The following DNAJC6 variants were observed in gnomAD, a reference collection of about 807,000 sequenced individuals.
DNAJC6 encodes the protein auxilin.
Under a neutral mutation model 110.0 loss-of-function variants are expected in DNAJC6, and 34 were observed. That is an observed-to-expected ratio of 0.31 (90% CI 0.24 to 0.41). The LOEUF (loss-of-function observed/expected upper bound fraction) is 0.41, where lower values mean the gene tolerates loss of function less well. Ranked by LOEUF, DNAJC6 falls within the 10% of genes least tolerant of loss-of-function variation. The pLI is 1.00. For synonymous variants in DNAJC6, 406 were observed against 437.2 expected (o/e 0.93, Z 0.89); for missense variants, 1,031 against 1,207.8 (o/e 0.85, Z 2.17).
At chr1:65,348,721 G>A (rs1321304798) in intron 1 of DNAJC6, among the ~76,000 whole-genome samples, 1 of 150,978 alleles carries the variant, frequency 6.6e-6, no homozygotes, top group Non-Finnish European at 1.5e-5. Context: ...GATAATCTCT[G>A]TCTTTTAGTG....
chr1:65,296,648 C>T (rs934389332), intron 1 of DNAJC6, among the ~76,000 whole-genome samples: 7 of 139,220 alleles, frequency 5.0e-5, no homozygotes, highest in Admixed American at 4.0e-4. Flanking sequence ...AGTGCAGTGG[C>T]GCGATCTTAG....
At chr1:65,280,260 G>C (rs1853827) in intron 1 of DNAJC6, among the ~76,000 whole-genome samples, 111,370 of 152,050 alleles carry the variant, frequency 0.73, 41,844 homozygotes, top group East Asian at 0.98. Context: ...CTGTTAAATT[G>C]AGTGGATTCT....
At chr1:65,362,191 A>G (rs568617068) in intron 1 of DNAJC6, among the ~76,000 whole-genome samples, 1 of 152,336 alleles carries the variant, frequency 6.6e-6, no homozygotes, top group Non-Finnish European at 1.5e-5. Flanking sequence ...CCCTTAGACA[A>G]GTTTCTTAAC....
chr1:65,376,264 T>G (rs982198652), intron 4 of DNAJC6, among the ~76,000 whole-genome samples: 2 of 152,112 alleles, frequency 1.3e-5, no homozygotes, highest in African/African-American at 4.8e-5. Context: ...TGGCTTTATT[T>G]ATTTGGGTCT....
chr1:65,312,581 A>G (rs761482657), intron 1 of DNAJC6, among the ~76,000 whole-genome samples: 2 of 152,206 alleles, frequency 1.3e-5, no homozygotes, highest in South Asian at 2.1e-4. Context: ...TAGAAATATT[A>G]ATGAGTGGAA....
intron 14 of DNAJC6, among the ~76,000 whole-genome samples, chr1:65,401,264 T>A (rs1010798683): frequency 6.6e-6 from 1 of 152,048 alleles, no homozygotes; most frequent in Non-Finnish European, 1.5e-5. Context: ...ATTCTGTTGA[T>A]TGTTACCTTC....
chr1:65,334,059 C>T (rs1391412038), intron 1 of DNAJC6, among the ~76,000 whole-genome samples: 3 of 152,150 alleles, frequency 2.0e-5, no homozygotes, highest in East Asian at 3.8e-4. Context: ...GCAAATTTAT[C>T]GTTAGGTTAA....
At position 65,312,177 on chromosome 1, in the gene DNAJC6, G is replaced by T. The variant is rs1290878262; in HGVS notation, c.193+2239G>T. Among the ~76,000 whole-genome samples the T allele has an allele frequency of 2.0e-5, 3 of 152,188 alleles. No homozygotes were observed. In the South Asian group the frequency reaches 6.2e-4, roughly 32 times the overall value. On this transcript the variant is annotated intron_variant, in intron 1 of 18. Coordinates refer to ENST00000371069, the MANE Select transcript of DNAJC6 (RefSeq NM_001256864.2). ...TGATCAAAGTGGTGTTGTGTGAAGA[G>T]GCTGCAGGGATTCCTTTTCTCCTCC...
At chr1:65,394,679 G>A (rs1645960405) in intron 12 of DNAJC6, among the ~76,000 whole-genome samples, 1 of 152,136 alleles carries the variant, frequency 6.6e-6, no homozygotes, top group Non-Finnish European at 1.5e-5. Flanking sequence ...GACTTCATTG[G>A]CATAATGCTC....
intron 1 of DNAJC6, among the ~76,000 whole-genome samples, chr1:65,326,596 G>A (rs1271504506): frequency 7.2e-5 from 11 of 152,168 alleles, no homozygotes; most frequent in Admixed American, 7.2e-4. Context: ...GGGGCCCAGG[G>A]GCAGTGGAGC....
chr1:65,302,103 A>ACG (rs199634865), intron 1 of DNAJC6, among the ~76,000 whole-genome samples: 23,905 of 66,864 alleles, frequency 0.36, 3,423 homozygotes, highest in African/African-American at 0.58. Context: ...TATATATAAT[A>ACG]TATAATATAT....
intron 1 of DNAJC6, among the ~76,000 whole-genome samples, chr1:65,266,535 G>A (rs1348786086): frequency 1.3e-5 from 2 of 152,168 alleles, no homozygotes; most frequent in Non-Finnish European, 2.9e-5. Flanking sequence ...CATGTGCCTG[G>A]TAAGGGGGAA....
chr1:65,300,043 C>CAAAAAAAA (rs59681451), intron 1 of DNAJC6, among the ~76,000 whole-genome samples: 9 of 111,998 alleles, frequency 8.0e-5, no homozygotes, highest in East Asian at 2.3e-4. Flanking sequence ...AACTCCATCT[C>CAAAAAAAA]AAAAAAAAAA....
intron 15 of DNAJC6, among the ~76,000 whole-genome samples, chr1:65,402,457 T>C (rs1570379413): frequency 6.6e-6 from 1 of 152,228 alleles, no homozygotes; most frequent in Non-Finnish European, 1.5e-5. Context: ...GAAGCACTGG[T>C]TTCAGTGGAT....
intron 3 of DNAJC6, 23 bp downstream of exon 3, chr1:65,365,957 C>T (rs768205929): frequency 1.2e-6 from 2 of 1,613,248 alleles, no homozygotes; most frequent in East Asian, 2.2e-5. Context: ...TGTTTATTAA[C>T]AGTCCTTTGG....
intron 4 of DNAJC6, among the ~76,000 whole-genome samples, chr1:65,379,123 T>C (rs1004253214): frequency 1.3e-5 from 2 of 152,252 alleles, no homozygotes; most frequent in Admixed American, 1.3e-4. Flanking sequence ...CCTCACAGAA[T>C]AGAAAAAAAT....
chr1:65,276,753 C>T (rs912674555), intron 1 of DNAJC6, among the ~76,000 whole-genome samples: 5 of 152,334 alleles, frequency 3.3e-5, no homozygotes, highest in African/African-American at 1.2e-4. Context: ...AAGGAGAAAA[C>T]TCCTGTCAGG....
chr1:65,321,609 C>T (rs1360595347), intron 1 of DNAJC6, among the ~76,000 whole-genome samples: 1 of 152,156 alleles, frequency 6.6e-6, no homozygotes, highest in East Asian at 1.9e-4. Context: ...ACACAGGCAT[C>T]GCCTCTCCCA....
intron 1 of DNAJC6, among the ~76,000 whole-genome samples, chr1:65,323,834 T>C (rs914752374): frequency 6.6e-6 from 1 of 152,140 alleles, no homozygotes; most frequent in Non-Finnish European, 1.5e-5. Flanking sequence ...CAAATGAGCC[T>C]CCTGCCTTGG....
Sources: allele counts gnomAD v4.1 joint callset (sites outside exome capture counted in the v4.1 genomes callset), GRCh38; gene constraint gnomAD v4.1.1; transcripts MANE v1.5; gene names NCBI Gene and HGNC (gene_info 2026-07-23, HGNC 2026-07-21).